The following AFF4 variants were observed in gnomAD, a reference collection of about 807,000 sequenced individuals.
AFF4 encodes the protein AF4/FMR2 family member 4.
AFF4 carries 13 observed loss-of-function variants against 124.8 expected under a neutral mutation model. The observed-to-expected ratio is 0.10, with a 90% CI of 0.07 to 0.17. The LOEUF is 0.17. AFF4 is among the 10% of genes least tolerant of loss of function. The pLI is 1.00. For synonymous variants in AFF4, 477 were observed against 496.1 expected (o/e 0.96, Z 0.51); for missense variants, 1,092 against 1,403.8 (o/e 0.78, Z 3.55).
chr5:132,878,827 G>A lies in AFF4; in HGVS notation c.*2232C>T. On this transcript the variant is annotated 3_prime_UTR_variant, in exon 21 of 21. Transcript: ENST00000265343. The stretch of plus-strand genomic sequence containing the variant: ...CTGCTGCCTTTCAGGACATACAAGA[G>A]ACTAGAACACAAGAACTCAGAGGTA... 1 of 223,950 alleles carries A rather than the reference G, an allele frequency of 4.5e-6. No individual in the cohort carries two copies. The highest frequency in any genetic ancestry group is 8.9e-6 in the Non-Finnish European group (1 of 112,132). The allele number at this position is 223,950 out of a possible 1,614,324, so 13.9% of individuals were successfully genotyped here. A position where few individuals can be genotyped will look rare whatever the true frequency, so the allele number is the denominator to read the frequency against.
At position 132,940,374 on chromosome 5, in the gene AFF4, G is replaced by A. The variant is rs1305762099; in HGVS notation, c.-4-3181C>T. Among the ~76,000 whole-genome samples the A allele has an allele frequency of 2.0e-5, 3 of 151,306 alleles. No homozygotes were observed. In the East Asian group the frequency reaches 5.8e-4, roughly 29 times the overall value. On this transcript the variant is annotated intron_variant, in intron 1 of 20. Transcript: ENST00000265343. ...AAATTATCCGGGCGTGGCGGTGGGC[G>A]CCTGAAGTCCCAGCTACTCGGGAGG...
At chr5:132,899,230 A>T (rs1760487455) in intron 8 of AFF4, 89 bp from the exon 9 acceptor site, 1 of 1,279,756 alleles carries the variant, frequency 7.8e-7, no homozygotes, top group African/African-American at 1.5e-5. Context: ...CTTAACAGAA[A>T]AAACTGGATT....
At chr5:132,939,321 A>C (rs182386970) in intron 1 of AFF4, among the ~76,000 whole-genome samples, 1 of 152,298 alleles carries the variant, frequency 6.6e-6, no homozygotes, top group Admixed American at 6.5e-5. Flanking sequence ...TTTTCTAATA[A>C]GCTTAAACAG....
In AFF4 at chr5:132,963,116, G is replaced by A. The variant is rs551492881; in HGVS notation, c.-5+143C>T. The A allele has an allele frequency of 6.7e-4, 224 of 335,968 alleles. 2 individuals are homozygous for A. Among genetic ancestry groups the A allele is most frequent in the South Asian group, 4.1e-3 (27 of 6,558 alleles). 20.8% of individuals were successfully genotyped at this position (335,968 alleles called of 1,614,324 possible). A position where few individuals can be genotyped will look rare whatever the true frequency, so the allele number is the denominator to read the frequency against. On this transcript the variant is annotated intron_variant, in intron 1 of 20. Transcript: ENST00000265343. Reference sequence around the variant, plus strand: ...GGTGGGACGCGCAGATGAGAGGAGGGGTGACGCCTGATTGAGCAGCCCCAG... The same window carrying A: ...GGTGGGACGCGCAGATGAGAGGAGGAGTGACGCCTGATTGAGCAGCCCCAG...
At chr5:132,963,152 C>A (rs2070132316) in intron 1 of AFF4, 107 bp downstream of exon 1, 1 of 367,464 alleles carries the variant, frequency 2.7e-6, no homozygotes, top group Non-Finnish European at 4.8e-6. Context: ...CCCGGAGGGT[C>A]TCCCCGAGGC....
intron 13 of AFF4, 60 bp from the exon 14 acceptor site, chr5:132,889,233 T>A: frequency 8.3e-7 from 1 of 1,199,184 alleles, no homozygotes; most frequent in Non-Finnish European, 1.2e-6. Flanking sequence ...ATGAAACTAA[T>A]AGCATTTCTT....
chr5:132,954,617 G>A (rs4705877), intron 1 of AFF4, among the ~76,000 whole-genome samples: 16,295 of 144,284 alleles, frequency 0.11, 1,159 homozygotes, highest in South Asian at 0.19. Flanking sequence ...GCGGGATCTC[G>A]GCTCACTGCA....
intron 1 of AFF4, among the ~76,000 whole-genome samples, chr5:132,959,413 C>T (rs557798906): frequency 2.6e-5 from 4 of 152,164 alleles, no homozygotes; most frequent in African/African-American, 9.6e-5. Flanking sequence ...AGCCACCGGG[C>T]CCGGCAAGGT....
intron 1 of AFF4, among the ~76,000 whole-genome samples, chr5:132,952,275 C>G (rs970855569): frequency 6.6e-6 from 1 of 152,180 alleles, no homozygotes; most frequent in African/African-American, 2.4e-5. Context: ...AATTTCCCAA[C>G]ATTCTGTTTC....
chr5:132,921,594 A>T (rs1405710452), intron 5 of AFF4, among the ~76,000 whole-genome samples: 1 of 151,610 alleles, frequency 6.6e-6, no homozygotes, highest in Non-Finnish European at 1.5e-5. Context: ...TTAGCCTCCA[A>T]GTACCTGGGA....
chr5:132,960,531 TA>T (rs1378573631), intron 1 of AFF4, among the ~76,000 whole-genome samples: 6 of 152,182 alleles, frequency 3.9e-5, no homozygotes, highest in Non-Finnish European at 1.5e-5. Flanking sequence ...CAGGTACACA[TA>T]AAACTACGGC....
chr5:132,884,243 T>C (rs931268757), intron 19 of AFF4, among the ~76,000 whole-genome samples: 3 of 152,216 alleles, frequency 2.0e-5, no homozygotes, highest in South Asian at 4.1e-4. Flanking sequence ...TGTATACACA[T>C]ATATACATAT....
At position 132,922,591 on chromosome 5, in the gene AFF4, C is replaced by T. The variant is rs1171375534; in HGVS notation, c.1050+4530G>A. Among the ~76,000 whole-genome samples, 6 of 151,388 alleles carry T rather than the reference C, an allele frequency of 4.0e-5. No homozygotes were observed. The South Asian group carries it at 1.2e-3, about 32-fold the overall frequency. On this transcript the variant is annotated intron_variant, in intron 5 of 20. Coordinates refer to ENST00000265343, the MANE Select transcript of AFF4 (RefSeq NM_014423.4). ...GGTCAAGAGATCAAGACCATCCTGG[C>T]CAACATGGTGAAACCCTGTCTCTAC... is the stretch of plus-strand genomic sequence containing the variant.
At chr5:132,904,302 G>C (rs1324149217) in intron 6 of AFF4, 66 bp downstream of exon 6, 27 of 1,345,772 alleles carry the variant, frequency 2.0e-5, no homozygotes, top group Non-Finnish European at 2.8e-5. Flanking sequence ...TATATGGTGT[G>C]ACCATGAAAA....
intron 2 of AFF4, 76 bp downstream of exon 2, chr5:132,936,991 C>T: frequency 1.3e-6 from 2 of 1,514,280 alleles, no homozygotes; most frequent in African/African-American, 1.4e-5. Context: ...CTAATATAAA[C>T]ATTCAAGTGT....
intron 1 of AFF4, among the ~76,000 whole-genome samples, chr5:132,948,276 C>A (rs934092510): frequency 1.7e-4 from 26 of 152,090 alleles, no homozygotes; most frequent in Non-Finnish European, 3.8e-4. Context: ...GTCTCGATCT[C>A]CTGACCTCAT....
chr5:132,902,549 T>C (rs1253690199), intron 6 of AFF4, 62 bp from the exon 7 acceptor site: 58 of 1,189,388 alleles, frequency 4.9e-5, no homozygotes, highest in Non-Finnish European at 6.6e-5. Context: ...AAAATGTCTA[T>C]GTAAAATACC....
At chr5:132,932,481 A>G (rs1761323791) in intron 3 of AFF4, among the ~76,000 whole-genome samples, 1 of 152,222 alleles carries the variant, frequency 6.6e-6, no homozygotes, top group African/African-American at 2.4e-5. Flanking sequence ...TAGATTAGAA[A>G]TAATTTTTAG....
intron 5 of AFF4, among the ~76,000 whole-genome samples, chr5:132,925,720 T>C (rs1761155177): frequency 6.6e-6 from 1 of 152,222 alleles, no homozygotes; most frequent in African/African-American, 2.4e-5. Context: ...AATGCCATTT[T>C]TACTCAAAAC....
Sources: allele counts gnomAD v4.1 joint callset (sites outside exome capture counted in the v4.1 genomes callset), GRCh38; gene constraint gnomAD v4.1.1; transcripts MANE v1.5; gene names NCBI Gene and HGNC (gene_info 2026-07-23, HGNC 2026-07-21).